DRC7: variants seen among roughly 807,000 people sequenced by gnomAD.
The protein encoded by DRC7 is dynein regulatory complex subunit 7, also known as coiled-coil domain containing 135.
DRC7 carries 80 observed loss-of-function variants against 104.4 expected under a neutral mutation model. The observed-to-expected ratio is 0.77, with a 90% CI of 0.64 to 0.92. The LOEUF is 0.92. Among genes scored for constraint, DRC7 ranks in the 40% least tolerant of loss-of-function variants. The probability of loss-of-function intolerance (pLI) is 0.00; values close to 1 mark genes in which losing one functional copy is unlikely to be tolerated. For synonymous variants in DRC7, 405 were observed against 447.3 expected, an observed-to-expected ratio of 0.91 and a Z score of 1.19; for missense variants, 1,034 against 1,141.1, an observed-to-expected ratio of 0.91 and a Z score of 1.35.
At chr16:57,702,535 A>C (rs181228374) in intron 6 of DRC7, among the ~76,000 whole-genome samples, 1 of 152,240 alleles carries the variant, frequency 6.6e-6, no homozygotes, top group African/African-American at 2.4e-5. Context: ...GCGGTGGCTC[A>C]TGCCTGTAAT....
chr16:57,728,042 G>A (rs1262949355), intron 16 of DRC7, among the ~76,000 whole-genome samples: 5 of 152,190 alleles, frequency 3.3e-5, no homozygotes, highest in African/African-American at 9.7e-5. Context: ...AACTAACATC[G>A]TTAATAACCA....
intron 3 of DRC7, among the ~76,000 whole-genome samples, chr16:57,698,469 T>G (rs1286597103): frequency 6.6e-6 from 1 of 152,012 alleles, no homozygotes; most frequent in Non-Finnish European, 1.5e-5. Context: ...GGAGGATCGC[T>G]TGAGGCCAGG....
At position 57,705,051 on chromosome 16, in the gene DRC7, G is replaced by A. The variant is rs2048697765; in HGVS notation, c.858+17G>A. 6.2e-7 allele frequency: 1 copy of A among 1,608,994 alleles called. No individual in the cohort carries two copies. On this transcript the variant is annotated intron_variant, in intron 7 of 18. Coordinates refer to ENST00000360716, the MANE Select transcript of DRC7 (RefSeq NM_001289162.2). The stretch of plus-strand genomic sequence containing the variant: ...CGCCTCATGGTGGGTCCTCAGCCCT[G>A]AATCCCCTGGGCTCAGCTATCGAGA...
chr16:57,714,941 T>G, intron 8 of DRC7: 1 of 321,578 alleles, frequency 3.1e-6, no homozygotes, highest in South Asian at 2.8e-5. Flanking sequence ...TGTTGTGACC[T>G]GAGAATGCTA....
chr16:57,710,750 T>C (rs943171428), intron 8 of DRC7, among the ~76,000 whole-genome samples: 5 of 152,244 alleles, frequency 3.3e-5, no homozygotes, highest in Admixed American at 6.5e-5. Flanking sequence ...GAGATTATTA[T>C]GATTTTTCTT....
At chr16:57,728,367 C>T (rs772685188) in intron 16 of DRC7, 23 bp from the exon 17 acceptor site, 2 of 1,550,376 alleles carry the variant, frequency 1.3e-6, no homozygotes, top group African/African-American at 2.7e-5. Flanking sequence ...GCTGATCCAG[C>T]TATCTGCCCC....
chr16:57,713,747 A>G (rs1250747317), intron 8 of DRC7: 1 of 152,384 alleles, frequency 6.6e-6, no homozygotes, highest in East Asian at 1.9e-4. Context: ...CGGCTCGCTC[A>G]TTTGTTTGGT....
At chr16:57,698,244 G>A in intron 3 of DRC7, 92 bp downstream of exon 3, 1 of 1,565,104 alleles carries the variant, frequency 6.4e-7, no homozygotes, top group Non-Finnish European at 8.7e-7. Context: ...GTCTGGTAGG[G>A]TGACCAGGAG....
chr16:57,711,355 A>G (rs142237487), intron 8 of DRC7, among the ~76,000 whole-genome samples: 2 of 152,318 alleles, frequency 1.3e-5, no homozygotes, highest in African/African-American at 4.8e-5. Flanking sequence ...CTCCTGATCA[A>G]TCTGGTTAGA....
chr16:57,705,668 T>C (rs1391145662), intron 7 of DRC7, among the ~76,000 whole-genome samples: 84 of 76,546 alleles, frequency 1.1e-3, no homozygotes, highest in Middle Eastern at 0.015. Flanking sequence ...TCCATCCATC[T>C]TCCCATCCAT....
At chr16:57,710,664 C>T (rs959445429) in intron 8 of DRC7, among the ~76,000 whole-genome samples, 4 of 152,258 alleles carry the variant, frequency 2.6e-5, no homozygotes, top group South Asian at 4.1e-4. Context: ...GGAAGTTTTT[C>T]TCCAGTCCTA....
At chr16:57,727,210 A>G in intron 15 of DRC7, 89 bp from the exon 16 acceptor site, 1 of 1,039,512 alleles carries the variant, frequency 9.6e-7, no homozygotes. Flanking sequence ...AATTCATGCA[A>G]TCTGCCCTCC....
chr16:57,697,845 C>A, intron 2 of DRC7, 68 bp from the exon 3 acceptor site: 1 of 1,512,948 alleles, frequency 6.6e-7, no homozygotes, highest in Non-Finnish European at 8.8e-7. Flanking sequence ...CGGGGATGCC[C>A]AGATGGTGTT....
chr16:57,729,458 ATGAGTGAG>A (rs1253044906), intron 17 of DRC7, among the ~76,000 whole-genome samples: 2 of 71,380 alleles, frequency 2.8e-5, no homozygotes, highest in Non-Finnish European at 5.4e-5. Flanking sequence ...GGGTGGGTGG[ATGAGTGAG>A]TGGGTGGGTG....
Position 57,698,890 on chromosome 16 carries a change from A to T in DRC7, c.244A>T (p.Ile82Phe). 1 of 1,614,076 alleles carries T rather than the reference A, an allele frequency of 6.2e-7. No individual in the cohort carries two copies. The highest frequency in any genetic ancestry group is 8.5e-7 in the Non-Finnish European group (1 of 1,179,988). The stretch of plus-strand genomic sequence containing the variant: ...CACTATTGACATCTCCAAGCTGCCC[A>T]TTTCCTACAAAACCAACACACCCAA... ...KDTIDISKLP[I>F]SYKTNTPKEE... The change falls in exon 4 of 19, where the codon ATT becomes TTT. Residue 82 changes from isoleucine (I) to phenylalanine (F), a missense_variant. Coordinates refer to ENST00000360716, the MANE Select transcript of DRC7 (RefSeq NM_001289162.2).
At chr16:57,723,183 C>T (rs2048924653) in intron 12 of DRC7, 53 bp downstream of exon 12, 1 of 1,594,564 alleles carries the variant, frequency 6.3e-7, no homozygotes, top group Non-Finnish European at 8.5e-7. Context: ...AGAGGCCTCA[C>T]ACACCCTGTG....
chr16:57,696,928 T>C (rs1164321769), intron 2 of DRC7, among the ~76,000 whole-genome samples: 1 of 152,194 alleles, frequency 6.6e-6, no homozygotes, highest in Non-Finnish European at 1.5e-5. Context: ...TTATTATTTA[T>C]TTGAGACAGA....
Position 57,704,376 on chromosome 16 carries a change from T to TACACACACACACAC in DRC7, c.700-483_700-470dup, listed in dbSNP as rs55873452. The stretch of plus-strand genomic sequence containing the variant: ...GCACACATTTGTAGACACGCAAGCG[T>TACACACACACACAC]ACACACACACACACACACACACACA... On this transcript the variant is annotated intron_variant, in intron 6 of 18. Transcript: ENST00000360716. 8.5e-3 allele frequency among the ~76,000 whole-genome samples: 1,267 copies of TACACACACACACAC among 149,078 alleles called. 15 individuals are homozygous for TACACACACACACAC. The highest frequency in any genetic ancestry group is 0.029 in the African/African-American group (1,189 of 40,658).
intron 8 of DRC7, among the ~76,000 whole-genome samples, chr16:57,718,068 C>T (rs528557565): frequency 1.3e-5 from 2 of 152,338 alleles, no homozygotes; most frequent in African/African-American, 2.4e-5. Context: ...GCCAGAGAGC[C>T]TCCTTGTCTT....
Sources: allele counts gnomAD v4.1 joint callset (sites outside exome capture counted in the v4.1 genomes callset), GRCh38; gene constraint gnomAD v4.1.1; transcripts MANE v1.5; gene names NCBI Gene and HGNC (gene_info 2026-07-23, HGNC 2026-07-21).